MLH3: variants seen among roughly 807,000 people sequenced by gnomAD.
The protein encoded by MLH3 is DNA mismatch repair protein Mlh3.
MLH3 carries 82 observed loss-of-function variants against 122.2 expected under a neutral mutation model. The ratio of observed to expected loss-of-function variants is 0.67; its 90% CI spans 0.56 to 0.81. The LOEUF (loss-of-function observed/expected upper bound fraction) is 0.81. MLH3 is among the 30% of genes least tolerant of loss of function. MLH3 has a pLI of 0.00. For missense variants in MLH3, 1,539 were observed against 1,714.5 expected, an observed-to-expected ratio of 0.90 and a Z score of 1.81; for synonymous variants, 524 against 599.5, an observed-to-expected ratio of 0.87 and a Z score of 1.84.
chr14:75,036,470 G>A (rs1268789035), intron 6 of MLH3: 5 of 337,490 alleles, frequency 1.5e-5, no homozygotes, highest in Non-Finnish European at 2.3e-5. Flanking sequence ...TCAGCCTCCC[G>A]AGTAGCTGGG....
chr14:75,025,955 C>A (rs28757035), intron 9 of MLH3, among the ~76,000 whole-genome samples: 2,847 of 152,232 alleles, frequency 0.019, 88 homozygotes, highest in African/African-American at 0.066. Context: ...TGATTGCTCA[C>A]CAAGTCCTCT....
chr14:75,049,644 G>T lies in MLH3; in HGVS notation c.12C>A (p.Cys4Ter). 1 of 1,614,004 alleles carries T rather than the reference G, an allele frequency of 6.2e-7. No individual in the cohort carries two copies. Among genetic ancestry groups the T allele is most frequent in the Non-Finnish European group, 8.5e-7 (1 of 1,179,946 alleles). The part of the protein sequence containing the change: MIK[C>*]LSVEVQAKLR... ...ATTTGGCTTGTACTTCAACTGACAA[G>T]CACTTGATCATGGTAGGTAGAAAGA... is the stretch of plus-strand genomic sequence containing the variant. Residue 4 changes from cysteine to a stop codon, truncating the protein, a stop_gained, in exon 2 of 13, where the codon TGC becomes TGA. Transcript: ENST00000355774. LOFTEE classifies it high-confidence loss of function.
At chr14:75,026,317 A>T (rs144292557) in intron 9 of MLH3, among the ~76,000 whole-genome samples, 1 of 152,364 alleles carries the variant, frequency 6.6e-6, no homozygotes, top group Non-Finnish European at 1.5e-5. Flanking sequence ...TTGGGGAAAA[A>T]AACACAACTT....
intron 7 of MLH3, 86 bp downstream of exon 7, chr14:75,033,333 C>T: frequency 9.7e-7 from 1 of 1,035,740 alleles, no homozygotes; most frequent in Non-Finnish European, 1.5e-6. Flanking sequence ...TGCTTTCTCA[C>T]AACAGTTGCA....
In MLH3 at chr14:75,048,606, T is replaced by C. The variant is rs1350248228; in HGVS notation, c.1050A>G (p.Gln350=). The part of the protein sequence containing the change: ...IQEGVKMFLK[Q]EKLFVELSGE... The stretch of plus-strand genomic sequence containing the variant: ...CTGATAATTCCACAAATAATTTTTC[T>C]TGCTTTAAAAACATTTTCACTCCTT... The change falls in exon 2 of 13, where the codon CAA becomes CAG. Residue 350 remains glutamine, a synonymous_variant. Coordinates refer to ENST00000355774, the MANE Select transcript of MLH3 (RefSeq NM_001040108.2). 1.9e-6 allele frequency: 3 copies of C among 1,614,070 alleles called. No individual in the cohort carries two copies. The highest frequency in any genetic ancestry group is 2.5e-6 in the Non-Finnish European group (3 of 1,180,006).
rs755904573 is a variant in MLH3, at chr14:75,042,465, C to G, written c.3293G>C (p.Arg1098Thr). 1.9e-6 allele frequency: 3 copies of G among 1,613,050 alleles called. No homozygotes were observed. Among genetic ancestry groups the G allele is most frequent in the Non-Finnish European group, 2.5e-6 (3 of 1,178,984 alleles). Residue 1098 changes from arginine to threonine, a missense_variant, in exon 3 of 13, where the codon AGG (arginine) becomes ACG (threonine). By Grantham distance (71) the Arg-to-Thr change is moderately conservative (BLOSUM62 -1). Coordinates refer to ENST00000355774, the MANE Select transcript of MLH3 (RefSeq NM_001040108.2). The stretch of plus-strand genomic sequence containing the variant: ...AAGGTCGCTTCTAAAAGGTTGACAC[C>G]TGTACTGAGACCCTAAATATAAGAA... ...DVVLENGSQYRCQPFRSDLVL... is the reference protein window; with the variant it reads ...DVVLENGSQYTCQPFRSDLVL...
intron 9 of MLH3, among the ~76,000 whole-genome samples, chr14:75,027,563 C>T (rs61980785): frequency 2.4e-3 from 368 of 150,542 alleles, no homozygotes; most frequent in Admixed American, 4.5e-3. Flanking sequence ...GCCTGGCCCA[C>T]GGACTCTTAC....
At chr14:75,039,247 C>T (rs1891638895) in intron 5 of MLH3, among the ~76,000 whole-genome samples, 1 of 152,098 alleles carries the variant, frequency 6.6e-6, no homozygotes, top group South Asian at 2.1e-4. Context: ...CTCTCCAATA[C>T]CCCCGAGCCT....
In MLH3 at chr14:75,015,782, C is replaced by G. The variant is rs1245738647; in HGVS notation, c.*1300G>C. ...TCTCTGGGGCAGACGCTAATGAATG[C>G]AATACTTTCATTGCTCCTGTAAGAT... On this transcript the variant is annotated 3_prime_UTR_variant, in exon 13 of 13. Coordinates refer to ENST00000355774, the MANE Select transcript of MLH3 (RefSeq NM_001040108.2). 4.5e-6 allele frequency: 1 copy of G among 223,386 alleles called. No homozygotes were observed. Among genetic ancestry groups the G allele is most frequent in the East Asian group, 6.5e-5 (1 of 15,346 alleles). 13.8% of individuals were successfully genotyped at this position (223,386 alleles called of 1,614,324 possible).
chr14:75,028,167 T>G (rs1452714147), intron 9 of MLH3, among the ~76,000 whole-genome samples: 1 of 152,082 alleles, frequency 6.6e-6, no homozygotes, highest in Non-Finnish European at 1.5e-5. Context: ...CTCTAATACC[T>G]CCAATGCCAC....
In MLH3 at chr14:75,047,376, T is replaced by C. The variant is rs1892316286; in HGVS notation, c.2280A>G (p.Gln760=). The C allele has an allele frequency of 1.2e-6, 2 of 1,614,144 alleles. No individual in the cohort carries two copies. Among genetic ancestry groups the C allele is most frequent in the Non-Finnish European group, 1.7e-6 (2 of 1,180,002 alleles). Residue 760 remains glutamine (Q), a synonymous_variant, in exon 2 of 13, where the codon CAA becomes CAG. Transcript: ENST00000355774. ...CCAGAGGATTTTCAACCTTCCCATA[T>C]TGCCTCTTAAACTTCTCTAAAGATC... ...QLGSLEKFKR[Q]YGKVENPLDT...
chr14:75,017,216 A>G lies in MLH3; in HGVS notation c.4243-15T>C. The G allele has an allele frequency of 6.2e-7, 1 of 1,612,856 alleles. No individual in the cohort carries two copies. The highest frequency in any genetic ancestry group is 8.5e-7 in the Non-Finnish European group (1 of 1,179,130). ...TTGGGTTTAATCTATGGGAAGAAAGAATAACTTCAATTAGCAATATGAAAA... is the reference window on the plus strand; with the variant it reads ...TTGGGTTTAATCTATGGGAAGAAAGGATAACTTCAATTAGCAATATGAAAA... On this transcript the variant is annotated splice_polypyrimidine_tract_variant and intron_variant, in intron 12 of 12. Transcript: ENST00000355774.
At position 75,038,336 on chromosome 14, in the gene MLH3, T is replaced by A; in HGVS notation, c.3643+4A>T. The A allele has an allele frequency of 6.2e-7, 1 of 1,611,056 alleles. No individual in the cohort carries two copies. Reference sequence around the variant, plus strand: ...TAATCATTCAGGCTAAACTCCATTCTTACCTGCCTCGCCATTCTCTTCAGT... The same window carrying A: ...TAATCATTCAGGCTAAACTCCATTCATACCTGCCTCGCCATTCTCTTCAGT... On this transcript the variant is annotated splice_donor_region_variant and intron_variant, in intron 6 of 12. Coordinates refer to ENST00000355774, the MANE Select transcript of MLH3 (RefSeq NM_001040108.2).
At chr14:75,035,105 A>C (rs927739562) in intron 6 of MLH3, among the ~76,000 whole-genome samples, 41 of 151,570 alleles carry the variant, frequency 2.7e-4, no homozygotes, top group African/African-American at 9.7e-4. Context: ...AAAAAGAGAA[A>C]TTTCAACAGA....
chr14:75,046,724 T>C lies in MLH3; in HGVS notation c.2932A>G (p.Lys978Glu), dbSNP rs201276317. 1.5e-5 allele frequency: 25 copies of C among 1,614,052 alleles called. No individual in the cohort carries two copies. The highest frequency in any genetic ancestry group is 2.0e-5 in the Non-Finnish European group (24 of 1,180,022). The change falls in exon 2 of 13, where the codon AAA becomes GAA. Residue 978 changes from lysine to glutamate, a missense_variant. By Grantham distance (56) the Lys-to-Glu change is moderately conservative (BLOSUM62 1). Coordinates refer to ENST00000355774, the MANE Select transcript of MLH3 (RefSeq NM_001040108.2). ...TPLVLPYNNS[K>E]VTGKDSDVLI... ...ACATCTGAATCTTTACCGGTAACTT[T>C]AGAATTATTATAGGGCAATACCAAA...
chr14:75,039,916 TTGAATGAATCATTCCTTTGG>T lies in MLH3; in HGVS notation c.3545_3564del (p.Thr1182AsnfsTer9). On this transcript the variant is annotated frameshift_variant, in exon 5 of 13. Transcript: ENST00000355774. LOFTEE classifies it high-confidence loss of function. ...TTTTGAAGTTAATCTTTTACCTGCA[TTGAATGAATCATTCCTTTGG>T]TGAAACGATAGGGATACAAGATGTT... 1 of 1,444,170 alleles carries T rather than the reference TTGAATGAATCATTCCTTTGG, an allele frequency of 6.9e-7. No homozygotes were observed. Among genetic ancestry groups the T allele is most frequent in the Non-Finnish European group, 9.6e-7 (1 of 1,041,344 alleles). 89.5% of individuals were successfully genotyped at this position (1,444,170 alleles called of 1,614,324 possible).
At chr14:75,026,443 G>A (rs1259733955) in intron 9 of MLH3, among the ~76,000 whole-genome samples, 1 of 152,168 alleles carries the variant, frequency 6.6e-6, no homozygotes, top group African/African-American at 2.4e-5. Flanking sequence ...TTAGTTCACT[G>A]GAAGATAAGT....
intron 9 of MLH3, among the ~76,000 whole-genome samples, chr14:75,029,090 C>T (rs1486707571): frequency 8.2e-6 from 1 of 121,512 alleles, no homozygotes; most frequent in East Asian, 2.4e-4. Flanking sequence ...GTGGAGGTTG[C>T]AGTGAGCTGA....
In MLH3 at chr14:75,047,591, C is replaced by T; in HGVS notation, c.2065G>A (p.Ala689Thr). ...ISYGLENEPT[A>T]TYTMFSAFQE... ...AAAGCAGAAAACATTGTATAAGTTG[C>T]TGTAGGTTCATTCTCTAGCCCATAA... Residue 689 changes from alanine to threonine, a missense_variant, in exon 2 of 13, where the codon GCA (alanine) becomes ACA (threonine). Ala to Thr is a moderately conservative substitution (Grantham distance 58). Transcript: ENST00000355774. 1 of 1,613,998 alleles carries T rather than the reference C, an allele frequency of 6.2e-7. No individual in the cohort carries two copies.
Sources: gnomAD v4.1 joint callset for allele counts (sites outside exome capture counted in the v4.1 genomes callset) on GRCh38, gnomAD v4.1.1 for gene constraint, MANE v1.5 for transcripts, NCBI Gene and HGNC (gene_info 2026-07-23, HGNC 2026-07-21) for gene names.